Variants in TPD52 observed in about 807,000 individuals in gnomAD.
TPD52 encodes the protein tumor protein D52.
A neutral mutation model predicts 31.3 loss-of-function variants in TPD52; 17 were observed. The ratio of observed to expected loss-of-function variants is 0.54; its 90% CI spans 0.37 to 0.82. The LOEUF (loss-of-function observed/expected upper bound fraction) is 0.82, where lower values mean the gene tolerates loss of function less well. TPD52 is among the 40% of genes least tolerant of loss of function. The probability of loss-of-function intolerance (pLI) is 0.00; values close to 1 mark genes in which losing one functional copy is unlikely to be tolerated. For missense variants in TPD52, 212 were observed against 240.1 expected (o/e 0.88, Z 0.77); for synonymous variants, 83 against 89.6 (o/e 0.93, Z 0.42).
intron 1 of TPD52, among the ~76,000 whole-genome samples, chr8:80,092,485 T>C (rs1421632879): frequency 1.3e-5 from 2 of 152,206 alleles, no homozygotes; most frequent in African/African-American, 4.8e-5. Context: ...GCGCGTTTAT[T>C]GAAGCACTAT....
chr8:80,063,891 G>A (rs1812816556), intron 2 of TPD52, among the ~76,000 whole-genome samples: 1 of 135,886 alleles, frequency 7.4e-6, no homozygotes, highest in Non-Finnish European at 1.6e-5. Context: ...AGGGAAAGGA[G>A]AGGAGGAATG....
At chr8:80,088,974 C>G (rs1470505918) in intron 1 of TPD52, among the ~76,000 whole-genome samples, 1 of 152,186 alleles carries the variant, frequency 6.6e-6, no homozygotes, top group Non-Finnish European at 1.5e-5. Flanking sequence ...GGATTACAGG[C>G]GTGAACCACT....
Position 80,154,745 on chromosome 8 carries a change from ACACACAC to A in TPD52, c.19+16673_19+16679del, listed in dbSNP as rs1367765430. 2.8e-3 allele frequency among the ~76,000 whole-genome samples: 188 copies of A among 68,288 alleles called. 4 individuals are homozygous for A. The highest frequency in any genetic ancestry group is 0.027 in the East Asian group (14 of 522). The allele number at this position is 68,288 out of a possible 152,430, so 44.8% of individuals were successfully genotyped here. ...CACACACACACACACACACACACAC[ACACACAC>A]AAAACACCTACATTAGCTTTGAAGT... On this transcript the variant is annotated intron_variant, in intron 1 of 7. Coordinates refer to ENST00000518937, the MANE Select transcript of TPD52 (RefSeq NM_001025253.3).
chr8:80,114,946 C>CCCCT (rs1807758415), intron 1 of TPD52, among the ~76,000 whole-genome samples: 1 of 152,194 alleles, frequency 6.6e-6, no homozygotes, highest in African/African-American at 2.4e-5. Flanking sequence ...CTGAGTCGTA[C>CCCCT]CCCTCCACTG....
intron 2 of TPD52, among the ~76,000 whole-genome samples, chr8:80,062,796 C>A (rs888581777): frequency 2.6e-5 from 4 of 151,954 alleles, no homozygotes; most frequent in Non-Finnish European, 5.9e-5. Flanking sequence ...AATCTCATCT[C>A]TATGAAAAAT....
chr8:80,130,105 T>C (rs1451096438), intron 1 of TPD52, among the ~76,000 whole-genome samples: 1 of 152,154 alleles, frequency 6.6e-6, no homozygotes, highest in Non-Finnish European at 1.5e-5. Flanking sequence ...TCACACCGAA[T>C]TGGCTCAGAT....
chr8:80,091,401 G>A (rs1358380889), intron 1 of TPD52, among the ~76,000 whole-genome samples: 3 of 151,804 alleles, frequency 2.0e-5, no homozygotes, highest in Non-Finnish European at 2.9e-5. Context: ...CCCAAGAGGC[G>A]GAGCTTGCAG....
chr8:80,057,599 T>G (rs1328942343), intron 2 of TPD52, among the ~76,000 whole-genome samples: 1 of 152,094 alleles, frequency 6.6e-6, no homozygotes, highest in African/African-American at 2.4e-5. Context: ...TTCTGACTTA[T>G]AAGTGGGAGC....
At chr8:80,064,808 T>G in intron 1 of TPD52, 1 of 681,444 alleles carries the variant, frequency 1.5e-6, no homozygotes, top group Non-Finnish European at 2.7e-6. Context: ...AAAATATGAA[T>G]TTAGAAAATA....
At chr8:80,112,755 A>C (rs79768870) in intron 1 of TPD52, among the ~76,000 whole-genome samples, 3 of 151,814 alleles carry the variant, frequency 2.0e-5, no homozygotes, top group East Asian at 3.9e-4. Flanking sequence ...CAACCCCCCA[A>C]CCCATTCAAC....
At chr8:80,040,185 C>T (rs868335686) in intron 7 of TPD52, among the ~76,000 whole-genome samples, 1,273 of 95,696 alleles carry the variant, frequency 0.013, 55 homozygotes, top group African/African-American at 0.059. Flanking sequence ...ATACGCTATC[C>T]TTTTTTTTTT....
In TPD52 at chr8:80,154,706, T is replaced by TAC. The variant is rs36076685; in HGVS notation, c.19+16717_19+16718dup. Among the ~76,000 whole-genome samples the TAC allele has an allele frequency of 9.4e-3, 734 of 77,680 alleles. 4 individuals carry two copies. Among genetic ancestry groups the TAC allele is most frequent in the Middle Eastern group, 0.023 (4 of 174 alleles). 51.0% of individuals were successfully genotyped at this position (77,680 alleles called of 152,430 possible). On this transcript the variant is annotated intron_variant, in intron 1 of 7. Transcript: ENST00000518937. ...TTCTTCTATGCTTTGAATCATGACA[T>TAC]ACACACACACACACACACACACACA...
chr8:80,038,567 T>G (rs1207517800), intron 7 of TPD52, among the ~76,000 whole-genome samples: 1 of 152,246 alleles, frequency 6.6e-6, no homozygotes. Flanking sequence ...GTCTCTACAC[T>G]TGCATAACAT....
intron 1 of TPD52, among the ~76,000 whole-genome samples, chr8:80,082,505 A>G (rs1448656708): frequency 2.0e-5 from 3 of 152,236 alleles, no homozygotes; most frequent in Non-Finnish European, 4.4e-5. Context: ...TGCAAGCCAC[A>G]GTCACCTCCA....
intron 5 of TPD52, among the ~76,000 whole-genome samples, chr8:80,048,410 A>AT (rs1483039230): frequency 2.0e-5 from 3 of 152,256 alleles, no homozygotes; most frequent in African/African-American, 7.2e-5. Context: ...AATCACCGGC[A>AT]TAAGTTTGCC....
At chr8:80,111,883 ACAT>A (rs1180561801) in intron 1 of TPD52, among the ~76,000 whole-genome samples, 1 of 152,216 alleles carries the variant, frequency 6.6e-6, no homozygotes, top group East Asian at 1.9e-4. Flanking sequence ...ATATTTACTT[ACAT>A]CATAGGGTTG....
chr8:80,044,772 G>C lies in TPD52; in HGVS notation c.414-564C>G, dbSNP rs1174780383. On this transcript the variant is annotated intron_variant, in intron 5 of 7. Transcript: ENST00000518937. ...TGAGAGTGCCTTCATTCCTAGGCTC[G>C]TAAAATGATTGTATTCTGCTAATAT... is the stretch of plus-strand genomic sequence containing the variant. Among the ~76,000 whole-genome samples, 4 of 152,230 alleles carry C rather than the reference G, an allele frequency of 2.6e-5. No individual in the cohort carries two copies. The South Asian group carries it at 8.3e-4, about 32-fold the overall frequency.
intron 1 of TPD52, among the ~76,000 whole-genome samples, chr8:80,161,840 T>C (rs1000477984): frequency 1.6e-4 from 25 of 151,810 alleles, no homozygotes; most frequent in African/African-American, 5.8e-4. Context: ...AGCGATTCTC[T>C]TGCCTCAGCC....
At chr8:80,046,381 G>T (rs1294599160) in intron 5 of TPD52, among the ~76,000 whole-genome samples, 1 of 152,056 alleles carries the variant, frequency 6.6e-6, no homozygotes, top group Non-Finnish European at 1.5e-5. Flanking sequence ...ATTCTATCTG[G>T]TTGCTGGATC....
Sources: allele counts gnomAD v4.1 joint callset (sites outside exome capture counted in the v4.1 genomes callset), GRCh38; gene constraint gnomAD v4.1.1; transcripts MANE v1.5; gene names NCBI Gene and HGNC (gene_info 2026-07-23, HGNC 2026-07-21).